The following CAPN5 variants were observed in gnomAD, a reference collection of about 807,000 sequenced individuals.
CAPN5 encodes the protein calpain 5.
Under a neutral mutation model 73.0 loss-of-function variants are expected in CAPN5, and 54 were observed. That is an observed-to-expected ratio of 0.74 (90% CI 0.59 to 0.93). The LOEUF (loss-of-function observed/expected upper bound fraction) is 0.93. CAPN5 is among the 40% of genes least tolerant of loss of function. The pLI, the probability that CAPN5 is intolerant of heterozygous loss-of-function variation, is 0.00. For missense variants in CAPN5, 785 were observed against 882.9 expected (o/e 0.89, Z 1.41); for synonymous variants, 335 against 356.9 (o/e 0.94, Z 0.69).
In CAPN5 at chr11:77,122,727, C is replaced by T. The variant is rs782046201; in HGVS notation, c.1740+15C>T. ...TCACTGTACAGGTGAGCCCCCTGGT[C>T]CAGAGGCCACCTCCTGGGCTCCTAG... On this transcript the variant is annotated intron_variant, in intron 12 of 12. Transcript: ENST00000648180. 6.2e-7 allele frequency: 1 copy of T among 1,612,392 alleles called. No homozygotes were observed. The highest frequency in any genetic ancestry group is 8.5e-7 in the Non-Finnish European group (1 of 1,179,598).
At chr11:77,121,202 C>T (rs938997792) in intron 10 of CAPN5, among the ~76,000 whole-genome samples, 1 of 152,234 alleles carries the variant, frequency 6.6e-6, no homozygotes, top group African/African-American at 2.4e-5. Flanking sequence ...CCGCACTTTA[C>T]CAGTGAGATT....
At chr11:77,093,453 G>A (rs947132597) in intron 2 of CAPN5, among the ~76,000 whole-genome samples, 5 of 152,206 alleles carry the variant, frequency 3.3e-5, no homozygotes, top group East Asian at 1.9e-4. Context: ...GCACTCTCTG[G>A]CCAGGAAGGG....
chr11:77,094,006 G>T (rs1950182527), intron 3 of CAPN5, among the ~76,000 whole-genome samples, 193 bp downstream of exon 3: 1 of 152,274 alleles, frequency 6.6e-6, no homozygotes, highest in African/African-American at 2.4e-5. Context: ...GGCACCCCCA[G>T]GGGCAGGTGC....
At chr11:77,075,049 G>C (rs1450448274) in intron 1 of CAPN5, among the ~76,000 whole-genome samples, 1 of 152,094 alleles carries the variant, frequency 6.6e-6, no homozygotes, top group Non-Finnish European at 1.5e-5. Context: ...GCCACATGGG[G>C]CTCCGCAAGA....
In CAPN5 at chr11:77,125,601, G is replaced by C. The variant is rs1950566652; in HGVS notation, c.*1731G>C. On this transcript the variant is annotated 3_prime_UTR_variant, in exon 13 of 13. Transcript: ENST00000648180. Reference sequence around the variant, plus strand: ...AATACCCCTTTCTCTATGTATCTCTGTATGCACACGCACTATATATATATA... The same window carrying C: ...AATACCCCTTTCTCTATGTATCTCTCTATGCACACGCACTATATATATATA... The C allele has an allele frequency of 6.9e-6, 1 of 144,462 alleles. No individual in the cohort carries two copies. The allele number at this position is 144,462 out of a possible 1,614,324, so 8.9% of individuals were successfully genotyped here.
At chr11:77,083,897 G>A (rs1481993450) in intron 1 of CAPN5, among the ~76,000 whole-genome samples, 1 of 152,204 alleles carries the variant, frequency 6.6e-6, no homozygotes, top group Admixed American at 6.5e-5. Flanking sequence ...GCCTTGCCTT[G>A]GTTTCCCTCA....
At chr11:77,103,590 A>G (rs1235436475) in intron 3 of CAPN5, among the ~76,000 whole-genome samples, 4 of 152,180 alleles carry the variant, frequency 2.6e-5, no homozygotes, top group Non-Finnish European at 5.9e-5. Context: ...ATAGAGGCCT[A>G]CTAGGGGCCA....
chr11:77,106,307 C>G (rs1229211738), intron 3 of CAPN5, among the ~76,000 whole-genome samples: 1 of 148,764 alleles, frequency 6.7e-6, no homozygotes. Flanking sequence ...CTCCCTGACA[C>G]CCCCTCCCCA....
chr11:77,105,966 T>A (rs1950342458), intron 3 of CAPN5, among the ~76,000 whole-genome samples: 1 of 152,180 alleles, frequency 6.6e-6, no homozygotes, highest in Non-Finnish European at 1.5e-5. Flanking sequence ...TCTTGGCCTG[T>A]GGACCTTTGG....
Position 77,119,101 on chromosome 11 carries a change from G to C in CAPN5, c.1239G>C (p.Thr413=). Residue 413 remains threonine, a synonymous_variant, in exon 9 of 13, where the codon ACG becomes ACC. Transcript: ENST00000648180. ...ICIQQRPKRS[T]RREGKGENLA... is the part of the protein sequence containing the mutation. ...TCCAGCAGCGGCCAAAGCGGTCTACGCGCCGGGAGGGCAAGGGTGAGAACC... is the reference window on the plus strand; with the variant it reads ...TCCAGCAGCGGCCAAAGCGGTCTACCCGCCGGGAGGGCAAGGGTGAGAACC... 6.2e-7 allele frequency: 1 copy of C among 1,613,996 alleles called. No individual in the cohort carries two copies. Among genetic ancestry groups the C allele is most frequent in the Non-Finnish European group, 8.5e-7 (1 of 1,179,976 alleles).
chr11:77,114,437 G>A lies in CAPN5; in HGVS notation c.699+3G>A, dbSNP rs782646718. The A allele has an allele frequency of 4.3e-6, 7 of 1,613,872 alleles. No homozygotes were observed. Among genetic ancestry groups the A allele is most frequent in the Non-Finnish European group, 5.9e-6 (7 of 1,179,778 alleles). ...GCCTCATCAGTGCCTCCATCAAGGT[G>A]AGAACACGGCAGTCCCCAGAGGCGA... On this transcript the variant is annotated splice_donor_region_variant and intron_variant, in intron 5 of 12. Coordinates refer to ENST00000648180, the MANE Select transcript of CAPN5 (RefSeq NM_004055.5).
chr11:77,105,774 T>C (rs782101340), intron 3 of CAPN5, among the ~76,000 whole-genome samples: 9 of 152,224 alleles, frequency 5.9e-5, no homozygotes, highest in Non-Finnish European at 1.2e-4. Flanking sequence ...GGGCAAGATG[T>C]AGCCCCAAGG....
chr11:77,077,131 C>T (rs1260920823), intron 1 of CAPN5, among the ~76,000 whole-genome samples: 5 of 152,062 alleles, frequency 3.3e-5, no homozygotes, highest in Middle Eastern at 3.2e-3. Context: ...CCAAGGCAGG[C>T]GGATCACCTG....
chr11:77,093,629 G>A (rs879973671), intron 2 of CAPN5, 53 bp from the exon 3 acceptor site: 789 of 1,520,528 alleles, frequency 5.2e-4, no homozygotes, highest in Non-Finnish European at 6.1e-4. Flanking sequence ...CTGCCATGGG[G>A]GGCATCCGCA....
intron 1 of CAPN5, among the ~76,000 whole-genome samples, chr11:77,080,067 A>G (rs1950013455): frequency 2.0e-5 from 3 of 152,122 alleles, no homozygotes; most frequent in South Asian, 2.1e-4. Context: ...GTTTTTCCTT[A>G]TGGATAGCCA....
chr11:77,082,122 G>A (rs1350934762), intron 1 of CAPN5, among the ~76,000 whole-genome samples: 2 of 152,082 alleles, frequency 1.3e-5, no homozygotes, highest in African/African-American at 4.8e-5. Flanking sequence ...TGCTGTCCCA[G>A]GGGCACCAGG....
intron 1 of CAPN5, 67 bp from the exon 2 acceptor site, chr11:77,084,785 C>T (rs764203086): frequency 5.6e-5 from 79 of 1,412,894 alleles, no homozygotes; most frequent in East Asian, 1.4e-4. Context: ...TGATGATGTC[C>T]GCTTCACAGG....
intron 3 of CAPN5, among the ~76,000 whole-genome samples, chr11:77,107,708 C>T (rs1420835462): frequency 6.6e-6 from 1 of 152,194 alleles, no homozygotes; most frequent in Admixed American, 6.5e-5. Flanking sequence ...GATCACATCC[C>T]AGGGGGTTAT....
chr11:77,121,096 G>A (rs574320750), intron 10 of CAPN5, among the ~76,000 whole-genome samples, 187 bp downstream of exon 10: 172 of 152,354 alleles, frequency 1.1e-3, no homozygotes, highest in African/African-American at 4.0e-3. Flanking sequence ...GCCATGACTA[G>A]GAACAGCTTC....
Sources: gnomAD v4.1 joint callset for allele counts (sites outside exome capture counted in the v4.1 genomes callset) on GRCh38, gnomAD v4.1.1 for gene constraint, MANE v1.5 for transcripts, NCBI Gene and HGNC (gene_info 2026-07-23, HGNC 2026-07-21) for gene names.